The following CCDC167 variants were observed in gnomAD, a reference collection of about 807,000 sequenced individuals.
The protein encoded by CCDC167 is coiled-coil domain containing 167.
A neutral mutation model predicts 12.7 loss-of-function variants in CCDC167; 15 were observed. The observed-to-expected ratio is 1.18, with a 90% CI of 0.79 to 1.81. CCDC167 has a LOEUF of 1.81. Ranked by LOEUF, CCDC167 falls within the 40% of genes most tolerant of loss-of-function variation. The pLI is 0.00. For missense variants in CCDC167, 121 were observed against 120.1 expected (o/e 1.01, Z -0.03); for synonymous variants, 52 against 49.0 (o/e 1.06, Z -0.26).
At position 37,484,864 on chromosome 6, in the gene CCDC167, T is replaced by A. The variant is rs1375746548; in HGVS notation, c.138-2A>T. ...TTTTTCTCCTTCTCCAGGGACCTCC[T>A]GTGAGGGGAAAGGAGCTTCATGGAC... On this transcript the variant is annotated splice_acceptor_variant, in intron 2 of 3. Coordinates refer to ENST00000373408, the MANE Select transcript of CCDC167 (RefSeq NM_138493.3). LOFTEE classifies it high-confidence loss of function. 1 of 1,614,248 alleles carries A rather than the reference T, an allele frequency of 6.2e-7. No individual in the cohort carries two copies.
chr6:37,496,753 C>T (rs963482762), intron 1 of CCDC167, among the ~76,000 whole-genome samples: 3 of 152,246 alleles, frequency 2.0e-5, no homozygotes, highest in Non-Finnish European at 4.4e-5. Flanking sequence ...AGTGAGACTA[C>T]AGGCTGTCTG....
At chr6:37,488,101 C>G (rs1415717481) in intron 1 of CCDC167, among the ~76,000 whole-genome samples, 2 of 152,192 alleles carry the variant, frequency 1.3e-5, no homozygotes, top group Non-Finnish European at 2.9e-5. Context: ...TGCGGGGTCC[C>G]CAGCACTGGG....
rs756199937 is a variant in CCDC167, at chr6:37,484,819, A to C, written c.181T>G (p.Ser61Ala). 3.3e-5 allele frequency: 54 copies of C among 1,614,184 alleles called. No homozygotes were observed. The Admixed American group carries it at 5.8e-4, about 17-fold the overall frequency. Residue 61 changes from serine to alanine, a missense_variant, in exon 3 of 4, where the codon TCC becomes GCC. Physicochemically the swap from Ser to Ala is moderately conservative, Grantham distance 99. Coordinates refer to ENST00000373408, the MANE Select transcript of CCDC167 (RefSeq NM_138493.3). ...AAAGGAACTTTCTTACCGTAGTTGG[A>C]GGCTTTGTTCATTAGGCTGTTTTTC... is the stretch of plus-strand genomic sequence containing the variant. ...KEKNSLMNKA[S>A]NYEKELKFLR...
intron 1 of CCDC167, 32 bp downstream of exon 1, chr6:37,499,790 C>A (rs765368177): frequency 5.6e-6 from 9 of 1,611,960 alleles, no homozygotes; most frequent in Non-Finnish European, 7.6e-6. Context: ...AGGCAACTAA[C>A]GAGGTGGCCC....
chr6:37,489,750 A>G (rs1329770337), intron 1 of CCDC167, among the ~76,000 whole-genome samples: 2 of 152,202 alleles, frequency 1.3e-5, no homozygotes, highest in African/African-American at 4.8e-5. Flanking sequence ...TATACTCTGA[A>G]GGCCACAGGG....
intron 1 of CCDC167, among the ~76,000 whole-genome samples, chr6:37,487,089 G>C (rs1158698628): frequency 6.6e-6 from 1 of 152,184 alleles, no homozygotes; most frequent in Non-Finnish European, 1.5e-5. Flanking sequence ...TCATGAGGCT[G>C]AGTATATTCT....
At chr6:37,485,695 G>A (rs1218679333) in intron 1 of CCDC167, among the ~76,000 whole-genome samples, 1 of 152,258 alleles carries the variant, frequency 6.6e-6, no homozygotes, top group Admixed American at 6.5e-5. Context: ...GGGCAACACA[G>A]AGGTGTTTTT....
At chr6:37,497,041 G>A (rs1379070702) in intron 1 of CCDC167, among the ~76,000 whole-genome samples, 1 of 152,188 alleles carries the variant, frequency 6.6e-6, no homozygotes, top group Non-Finnish European at 1.5e-5. Context: ...GAATCTGGCA[G>A]AACCACCATA....
intron 1 of CCDC167, among the ~76,000 whole-genome samples, chr6:37,491,715 G>A (rs1762025095): frequency 1.3e-5 from 2 of 152,190 alleles, no homozygotes; most frequent in South Asian, 4.1e-4. Context: ...CCACAACAGT[G>A]ACAGCAGCAG....
intron 1 of CCDC167, among the ~76,000 whole-genome samples, chr6:37,490,179 G>C (rs1417434733): frequency 1.3e-5 from 2 of 152,334 alleles, no homozygotes; most frequent in East Asian, 3.9e-4. Flanking sequence ...ATCTGGCCCA[G>C]CCTGAGCCCT....
At chr6:37,499,633 C>T (rs1380799544) in intron 1 of CCDC167, among the ~76,000 whole-genome samples, 189 bp downstream of exon 1, 1 of 152,162 alleles carries the variant, frequency 6.6e-6, no homozygotes, top group Admixed American at 6.5e-5. Flanking sequence ...CCATCCGGCA[C>T]CTCCTCGGGC....
chr6:37,496,068 G>A (rs1762093936), intron 1 of CCDC167, among the ~76,000 whole-genome samples: 1 of 152,194 alleles, frequency 6.6e-6, no homozygotes. Context: ...ACCGTGGTAT[G>A]GAGAGGGTAA....
intron 2 of CCDC167, 58 bp downstream of exon 2, chr6:37,485,038 GGATA>G: frequency 6.6e-7 from 1 of 1,517,772 alleles, no homozygotes; most frequent in Non-Finnish European, 9.1e-7. Flanking sequence ...GGGGGACCCA[GGATA>G]GATACAGGGG....
chr6:37,495,317 T>C (rs1343446274), intron 1 of CCDC167, among the ~76,000 whole-genome samples: 4 of 152,168 alleles, frequency 2.6e-5, no homozygotes. Context: ...GACACCAGTT[T>C]GAACAGTCCA....
chr6:37,498,997 T>C (rs1327658155), intron 1 of CCDC167, among the ~76,000 whole-genome samples: 1 of 152,136 alleles, frequency 6.6e-6, no homozygotes, highest in African/African-American at 2.4e-5. Context: ...TATGACCCTG[T>C]ACCTCTCCTG....
intron 1 of CCDC167, among the ~76,000 whole-genome samples, chr6:37,492,426 T>A (rs1048847708): frequency 6.6e-6 from 1 of 152,212 alleles, no homozygotes. Flanking sequence ...AATTTGTTTG[T>A]TGAGACAGAG....
At chr6:37,490,498 A>G (rs1302337067) in intron 1 of CCDC167, among the ~76,000 whole-genome samples, 1 of 152,206 alleles carries the variant, frequency 6.6e-6, no homozygotes, top group Admixed American at 6.5e-5. Flanking sequence ...CCGTTCTTTT[A>G]ACAGAAAAGC....
At chr6:37,484,900 T>C (rs769808197) in intron 2 of CCDC167, 38 bp from the exon 3 acceptor site, 4 of 1,613,464 alleles carry the variant, frequency 2.5e-6, no homozygotes, top group Admixed American at 1.7e-5. Context: ...CAAACCCTTT[T>C]CCTTTTCCCC....
chr6:37,492,448 C>T (rs1762034788), intron 1 of CCDC167, among the ~76,000 whole-genome samples: 1 of 152,164 alleles, frequency 6.6e-6, no homozygotes, highest in Admixed American at 6.5e-5. Context: ...AGACAGGAGC[C>T]CAGCGTCTGC....
Sources: gnomAD v4.1 joint callset for allele counts (sites outside exome capture counted in the v4.1 genomes callset) on GRCh38, gnomAD v4.1.1 for gene constraint, MANE v1.5 for transcripts, NCBI Gene and HGNC (gene_info 2026-07-23, HGNC 2026-07-21) for gene names.